NR4A3: variants seen among roughly 807,000 people sequenced by gnomAD.
The protein encoded by NR4A3 is chondrosarcoma, extraskeletal myxoid, fused to EWS.
NR4A3 carries 13 observed loss-of-function variants against 55.6 expected under a neutral mutation model. The ratio of observed to expected loss-of-function variants is 0.23; its 90% CI spans 0.15 to 0.37. The LOEUF (loss-of-function observed/expected upper bound fraction) is 0.37. Ranked by LOEUF, NR4A3 falls within the 10% of genes least tolerant of loss-of-function variation. NR4A3 has a pLI of 1.00. For synonymous variants in NR4A3, 342 were observed against 357.9 expected, an observed-to-expected ratio of 0.96 and a Z score of 0.50; for missense variants, 646 against 822.8, an observed-to-expected ratio of 0.79 and a Z score of 2.63.
intron 6 of NR4A3, among the ~76,000 whole-genome samples, chr9:99,845,849 G>A (rs1409937338): frequency 6.6e-6 from 1 of 152,184 alleles, no homozygotes; most frequent in Non-Finnish European, 1.5e-5. Context: ...CTTCTGTGGA[G>A]GGATCAGTAG....
chr9:99,835,832 C>A (rs1169230509), intron 5 of NR4A3, among the ~76,000 whole-genome samples: 2 of 152,196 alleles, frequency 1.3e-5, no homozygotes, highest in African/African-American at 4.8e-5. Context: ...TCCTCATCAA[C>A]AAACATTTAT....
At chr9:99,856,046 C>G (rs1323895224) in intron 7 of NR4A3, among the ~76,000 whole-genome samples, 1 of 152,024 alleles carries the variant, frequency 6.6e-6, no homozygotes, top group Non-Finnish European at 1.5e-5. Context: ...ATTTTTGGCA[C>G]CAGAGACTGG....
At position 99,844,684 on chromosome 9, in the gene NR4A3, T is replaced by C. The variant is rs367709272; in HGVS notation, c.1290T>C (p.Asp430=). Residue 430 remains aspartate, a synonymous_variant, in exon 6 of 8, where the codon GAT becomes GAC. Transcript: ENST00000395097. The part of the protein sequence containing the change: ...CPTDQAAAGT[D]AEHVQQFYNL... ...CTGACCAGGCTGCTGCAGGCACAGA[T>C]GCTGAGCATGTGCAACAATTCTACA... is the stretch of plus-strand genomic sequence containing the variant. The C allele has an allele frequency of 6.2e-7, 1 of 1,614,222 alleles. No individual in the cohort carries two copies. The highest frequency in any genetic ancestry group is 1.1e-5 in the South Asian group (1 of 91,086).
intron 7 of NR4A3, among the ~76,000 whole-genome samples, chr9:99,861,647 C>T (rs865854270): frequency 5.3e-5 from 8 of 152,216 alleles, no homozygotes; most frequent in South Asian, 2.1e-4. Flanking sequence ...AAATCATACA[C>T]AACTAGCCAA....
chr9:99,828,646 G>T lies in NR4A3; in HGVS notation c.604G>T (p.Ala202Ser). 1 of 1,442,316 alleles carries T rather than the reference G, an allele frequency of 6.9e-7. No individual in the cohort carries two copies. Among genetic ancestry groups the T allele is most frequent in the South Asian group, 1.4e-5 (1 of 72,086 alleles). The allele number at this position is 1,442,316 out of a possible 1,614,324, so 89.3% of individuals were successfully genotyped here. A position where few individuals can be genotyped will look rare whatever the true frequency, so the allele number is the denominator to read the frequency against. Reference protein sequence around the residue: ...HFKPSPPHPPAPSPAGGHHLG... With the variant: ...HFKPSPPHPPSPSPAGGHHLG... Reference sequence around the variant, plus strand: ...CAAGCCCTCGCCGCCGCATCCCCCCGCGCCCAGCCCGGCCGGCGGCCACCA... The same window carrying T: ...CAAGCCCTCGCCGCCGCATCCCCCCTCGCCCAGCCCGGCCGGCGGCCACCA... The change falls in exon 3 of 8, where the codon GCG becomes TCG. Residue 202 changes from alanine (A) to serine (S), a missense_variant. Physicochemically the swap from Ala to Ser is moderately conservative, Grantham distance 99. This residue lies in a region of NR4A3 where 426 missense variants were observed against 429.4 expected (regional missense o/e 0.99). Coordinates refer to ENST00000395097, the MANE Select transcript of NR4A3 (RefSeq NM_006981.4). The surrounding 1 kb of genome is among the most constrained non-coding windows in gnomAD (Gnocchi z 7.7).
intron 5 of NR4A3, chr9:99,833,777 G>A (rs961833078): frequency 1.7e-5 from 23 of 1,353,774 alleles, no homozygotes; most frequent in Non-Finnish European, 2.2e-5. Context: ...TCGTGATCTA[G>A]ACAAAGTGAC....
intron 7 of NR4A3, among the ~76,000 whole-genome samples, chr9:99,862,756 C>T (rs958687496): frequency 5.3e-5 from 8 of 151,904 alleles, no homozygotes; most frequent in African/African-American, 1.9e-4. Flanking sequence ...TTCATTTAAC[C>T]TTATACATAA....
chr9:99,855,172 A>G (rs1004075420), intron 7 of NR4A3, among the ~76,000 whole-genome samples: 4 of 152,090 alleles, frequency 2.6e-5, no homozygotes, highest in African/African-American at 7.2e-5. Context: ...ATTTTTGTAC[A>G]TTGATTTTGT....
In NR4A3 at chr9:99,824,098, C is replaced by T. The variant is rs1406521364; in HGVS notation, c.-176-1561C>T. Among the ~76,000 whole-genome samples the T allele has an allele frequency of 2.0e-5, 3 of 152,158 alleles. No homozygotes were observed. The East Asian group carries it at 5.8e-4, about 30-fold the overall frequency. On this transcript the variant is annotated intron_variant, in intron 1 of 7. Coordinates refer to ENST00000395097, the MANE Select transcript of NR4A3 (RefSeq NM_006981.4). The stretch of plus-strand genomic sequence containing the variant: ...CAAGGCTCTGTGCTCCCGGCCCCGG[C>T]GGCCGCAAGCAGGAGCGGCGGAACG...
chr9:99,862,147 A>G (rs1048214665), intron 7 of NR4A3, among the ~76,000 whole-genome samples: 2 of 152,034 alleles, frequency 1.3e-5, no homozygotes, highest in South Asian at 2.1e-4. Flanking sequence ...TTGATTTCCC[A>G]TTAGAAGGAT....
intron 7 of NR4A3, among the ~76,000 whole-genome samples, chr9:99,861,022 C>T (rs1008051642): frequency 4.6e-5 from 7 of 152,180 alleles, no homozygotes; most frequent in Admixed American, 3.3e-4. Context: ...TCAATAATTC[C>T]GATTTTCCTG....
In NR4A3 at chr9:99,864,476, A is replaced by G. The variant is rs1407010048; in HGVS notation, c.*609A>G. 4.4e-6 allele frequency: 1 copy of G among 228,034 alleles called. No individual in the cohort carries two copies. Among genetic ancestry groups the G allele is most frequent in the African/African-American group, 2.2e-5 (1 of 45,022 alleles). 14.1% of individuals were successfully genotyped at this position (228,034 alleles called of 1,614,324 possible). A position where few individuals can be genotyped will look rare whatever the true frequency, so the allele number is the denominator to read the frequency against. ...GCTGTTTGCTTCCATAAACAAGTGC[A>G]ATTTTTTAAAGTGCTGTCTTACTAA... On this transcript the variant is annotated 3_prime_UTR_variant, in exon 8 of 8. Coordinates refer to ENST00000395097, the MANE Select transcript of NR4A3 (RefSeq NM_006981.4).
intron 7 of NR4A3, among the ~76,000 whole-genome samples, chr9:99,862,115 T>C (rs7024294): frequency 0.53 from 81,102 of 151,846 alleles, 22,241 homozygotes; most frequent in Middle Eastern, 0.6. Flanking sequence ...AAATTAATTT[T>C]GTAAAAATTA....
At chr9:99,839,105 T>C (rs1403898697) in intron 5 of NR4A3, among the ~76,000 whole-genome samples, 1 of 152,204 alleles carries the variant, frequency 6.6e-6, no homozygotes, top group Non-Finnish European at 1.5e-5. Context: ...TAAACAAATA[T>C]ACAATTGCAG....
rs1828093662 is a variant in NR4A3, at chr9:99,866,100, C to T, written c.*2233C>T. 1 of 212,788 alleles carries T rather than the reference C, an allele frequency of 4.7e-6. No homozygotes were observed. The highest frequency in any genetic ancestry group is 9.5e-6 in the Non-Finnish European group (1 of 105,160). The allele number at this position is 212,788 out of a possible 1,614,324, so 13.2% of individuals were successfully genotyped here. On this transcript the variant is annotated 3_prime_UTR_variant, in exon 8 of 8. Transcript: ENST00000395097. Reference sequence around the variant, plus strand: ...CCACTAATATTTACCTGAAGATAACCATGAGTAAAGTATACTTTTGCATTA... The same window carrying T: ...CCACTAATATTTACCTGAAGATAACTATGAGTAAAGTATACTTTTGCATTA...
chr9:99,841,142 A>G (rs968266265), intron 5 of NR4A3, among the ~76,000 whole-genome samples: 1 of 150,558 alleles, frequency 6.6e-6, no homozygotes. Context: ...GAGGCAGGAG[A>G]CTCGCTTGAA....
At chr9:99,830,690 C>T (rs1464209948) in intron 3 of NR4A3, among the ~76,000 whole-genome samples, 1 of 152,168 alleles carries the variant, frequency 6.6e-6, no homozygotes, top group Non-Finnish European at 1.5e-5. Flanking sequence ...CAAGCTTTAT[C>T]AGAGCTACTT....
At chr9:99,860,583 C>T (rs986568306) in intron 7 of NR4A3, among the ~76,000 whole-genome samples, 2 of 152,204 alleles carry the variant, frequency 1.3e-5, no homozygotes, top group Non-Finnish European at 2.9e-5. Flanking sequence ...CCACTGCATG[C>T]AGGATTCTCT....
rs1827469072 is a variant in NR4A3, at chr9:99,832,676, T to G, written c.952-13T>G. ...AAACTATCAGTTGACTATCTTGTAT[T>G]ATATTTTCTCAGAGAACAGTGCAGA... On this transcript the variant is annotated splice_polypyrimidine_tract_variant and intron_variant, in intron 3 of 7. Transcript: ENST00000395097. 6.3e-7 allele frequency: 1 copy of G among 1,574,850 alleles called. No homozygotes were observed. The highest frequency in any genetic ancestry group is 8.7e-7 in the Non-Finnish European group (1 of 1,154,350).
Sources: allele counts gnomAD v4.1 joint callset (sites outside exome capture counted in the v4.1 genomes callset), GRCh38; gene constraint gnomAD v4.1.1; regional missense constraint gnomAD v4.1.1; non-coding constraint Gnocchi (gnomAD v3.1); transcripts MANE v1.5; gene names NCBI Gene and HGNC (gene_info 2026-07-23, HGNC 2026-07-21).